Variants in PCDHGC4 observed in about 807,000 individuals in gnomAD.
PCDHGC4 encodes protocadherin gamma-C4.
In PCDHGC4, 15 loss-of-function variants were observed where a neutral mutation model predicts 59.7. The observed-to-expected ratio is 0.25, with a 90% CI of 0.17 to 0.39. The LOEUF is 0.39. Among genes scored for constraint, PCDHGC4 ranks in the 10% least tolerant of loss-of-function variants. The pLI, the probability that PCDHGC4 is intolerant of heterozygous loss-of-function variation, is 1.00. For synonymous variants in PCDHGC4, 434 were observed against 481.4 expected (o/e 0.90, Z 1.29); for missense variants, 1,016 against 1,189.5 (o/e 0.85, Z 2.15).
rs1033888717 is a variant in PCDHGC4 at position 141,512,540 on chromosome 5, T to C, written c.*1367T>C. 6.5e-6 allele frequency: 1 copy of C among 152,886 alleles called. No homozygotes were observed. Among genetic ancestry groups the C allele is most frequent in the African/African-American group, 2.4e-5 (1 of 41,476 alleles). 9.5% of individuals were successfully genotyped at this position (152,886 alleles called of 1,614,324 possible). ...CCATAGCCTGGTTAAAGTTCCCCAGTGCCTCCTTGTGCATAGACCTTCTTC... is the reference window on the plus strand; with the variant it reads ...CCATAGCCTGGTTAAAGTTCCCCAGCGCCTCCTTGTGCATAGACCTTCTTC... On this transcript the variant is annotated 3_prime_UTR_variant, in exon 4 of 4. Transcript: ENST00000306593.
Position 141,489,830 on chromosome 5 carries a change from A to C in PCDHGC4, c.2442+2215A>C. On this transcript the variant is annotated intron_variant, in intron 1 of 3. Transcript: ENST00000306593. The surrounding 1 kb of genome is among the most constrained non-coding windows in gnomAD (Gnocchi z 4.5). ...AAGCCATTCCCAGAGCTGGTGCTAG[A>C]GCAGCAGCTGGATCGTGAAGCCCAG... 1 of 1,614,200 alleles carries C rather than the reference A, an allele frequency of 6.2e-7. No homozygotes were observed. Among genetic ancestry groups the C allele is most frequent in the Non-Finnish European group, 8.5e-7 (1 of 1,180,010 alleles).
chr5:141,498,254 G>A (rs550611179), intron 2 of PCDHGC4, among the ~76,000 whole-genome samples: 2 of 152,338 alleles, frequency 1.3e-5, no homozygotes, highest in East Asian at 3.9e-4. Context: ...AGCAGGGCTG[G>A]TGTTGAGTTC....
chr5:141,498,045 A>G (rs1368474174), intron 2 of PCDHGC4, among the ~76,000 whole-genome samples: 4 of 152,256 alleles, frequency 2.6e-5, no homozygotes, highest in Non-Finnish European at 4.4e-5. Flanking sequence ...AATTACAAAA[A>G]TAAATGTGAG....
At chr5:141,488,198 G>C (rs1007623840) in intron 1 of PCDHGC4, among the ~76,000 whole-genome samples, 1 of 152,166 alleles carries the variant, frequency 6.6e-6, no homozygotes, top group Non-Finnish European at 1.5e-5. Flanking sequence ...CTGGGTCTTA[G>C]GACTCATATC....
At chr5:141,499,648 CAT>C (rs1434824310) in intron 2 of PCDHGC4, among the ~76,000 whole-genome samples, 2 of 148,784 alleles carry the variant, frequency 1.3e-5, no homozygotes, top group Admixed American at 6.7e-5. Flanking sequence ...TCTCAGACAT[CAT>C]ATAATTTCAT....
In PCDHGC4 at chr5:141,491,632, C is replaced by T; in HGVS notation, c.2443-3175C>T. On this transcript the variant is annotated intron_variant, in intron 1 of 3. Transcript: ENST00000306593. This position sits in a 1 kb window ranked among gnomAD's most constrained non-coding sequence, Gnocchi z 6.9. ...TCTAAGACCCCTCAGCGTTCAGCAG[C>T]CCACAGCTCTGGCGCTGGAGCCTGA... 1.2e-6 allele frequency: 2 copies of T among 1,613,886 alleles called. No individual in the cohort carries two copies. The highest frequency in any genetic ancestry group is 1.7e-6 in the Non-Finnish European group (2 of 1,179,994).
At chr5:141,505,345 G>C (rs776607130) in intron 2 of PCDHGC4, 48 bp from the exon 3 acceptor site, 3 of 1,613,086 alleles carry the variant, frequency 1.9e-6, no homozygotes, top group Non-Finnish European at 2.5e-6. Flanking sequence ...AGGGGCATGA[G>C]CTGTGCCGGC....
At chr5:141,510,296 G>A (rs999749575) in intron 3 of PCDHGC4, among the ~76,000 whole-genome samples, 6 of 149,608 alleles carry the variant, frequency 4.0e-5, no homozygotes, top group African/African-American at 1.5e-4. Flanking sequence ...AAAAAATGCT[G>A]TTTTGAAATG....
At chr5:141,488,525 G>A (rs1040463796) in intron 1 of PCDHGC4, among the ~76,000 whole-genome samples, 1 of 152,182 alleles carries the variant, frequency 6.6e-6, no homozygotes, top group African/African-American at 2.4e-5. Flanking sequence ...TGGGGTGTCA[G>A]AAAAGCTAAG....
intron 2 of PCDHGC4, among the ~76,000 whole-genome samples, chr5:141,502,625 T>G (rs2099815384): frequency 6.6e-6 from 1 of 152,210 alleles, no homozygotes; most frequent in Admixed American, 6.5e-5. Context: ...ATAAGTAATC[T>G]GTGGATGATA....
In PCDHGC4 at chr5:141,512,237, G is replaced by A. The variant is rs2099884134; in HGVS notation, c.*1064G>A. ...AGGACCAGGTCCCCTTGAGAGGTCA[G>A]AGGGGCCTCTGTGGGTGCTGGGTAC... On this transcript the variant is annotated 3_prime_UTR_variant, in exon 4 of 4. Transcript: ENST00000306593. 1 of 152,774 alleles carries A rather than the reference G, an allele frequency of 6.5e-6. No homozygotes were observed. The highest frequency in any genetic ancestry group is 1.5e-5 in the Non-Finnish European group (1 of 68,148). The allele number at this position is 152,774 out of a possible 1,614,324, so 9.5% of individuals were successfully genotyped here.
chr5:141,491,529 G>C lies in PCDHGC4; in HGVS notation c.2443-3278G>C. 1 of 1,614,040 alleles carries C rather than the reference G, an allele frequency of 6.2e-7. No individual in the cohort carries two copies. The highest frequency in any genetic ancestry group is 1.1e-5 in the South Asian group (1 of 91,080). On this transcript the variant is annotated intron_variant, in intron 1 of 3. Coordinates refer to ENST00000306593, the MANE Select transcript of PCDHGC4 (RefSeq NM_018928.3). The surrounding 1 kb of genome is among the most constrained non-coding windows in gnomAD (Gnocchi z 6.9). ...GCACGCTCAAGTACATGGAGGTGACGCTGCGGCCCACAGACTCGCAGAGCC... is the reference window on the plus strand; with the variant it reads ...GCACGCTCAAGTACATGGAGGTGACCCTGCGGCCCACAGACTCGCAGAGCC...
Position 141,489,515 on chromosome 5 carries a change from G to C in PCDHGC4, c.2442+1900G>C, listed in dbSNP as rs983415025. On this transcript the variant is annotated intron_variant, in intron 1 of 3. Coordinates refer to ENST00000306593, the MANE Select transcript of PCDHGC4 (RefSeq NM_018928.3). The surrounding 1 kb of genome is among the most constrained non-coding windows in gnomAD (Gnocchi z 4.5). ...CTGGCAGTGAATCAAAAGATTGACC[G>C]AGAAAGCCTATGTGGAGCCAGCACC... 1 of 1,614,104 alleles carries C rather than the reference G, an allele frequency of 6.2e-7. No individual in the cohort carries two copies. The highest frequency in any genetic ancestry group is 8.5e-7 in the Non-Finnish European group (1 of 1,180,034).
At chr5:141,498,947 AAAAG>A (rs1475471777) in intron 2 of PCDHGC4, among the ~76,000 whole-genome samples, 1 of 145,446 alleles carries the variant, frequency 6.9e-6, no homozygotes, top group African/African-American at 2.6e-5. Context: ...GAAAGAAAGA[AAAAG>A]AGAGAGAGGG....
chr5:141,489,268 G>C lies in PCDHGC4; in HGVS notation c.2442+1653G>C. 6.4e-7 allele frequency: 1 copy of C among 1,553,286 alleles called. No individual in the cohort carries two copies. The highest frequency in any genetic ancestry group is 8.7e-7 in the Non-Finnish European group (1 of 1,149,780). ...GGGGCCCAAGACACTCCCACAGCTC[G>C]CTGGGAAATGGCAAGTGCTGTGCAT... On this transcript the variant is annotated intron_variant, in intron 1 of 3. Transcript: ENST00000306593. The surrounding 1 kb of genome is among the most constrained non-coding windows in gnomAD (Gnocchi z 4.5).
chr5:141,487,348 C>T lies in PCDHGC4; in HGVS notation c.2175C>T (p.Cys725=), dbSNP rs929693998. The part of the protein sequence containing the change: ...CLRGAACGVT[C]FPAGTCACLT... ...GTGGGGCAGCCTGTGGAGTCACATG[C>T]TTTCCTGCTGGCACCTGTGCCTGTC... The change falls in exon 1 of 4, where the codon TGC becomes TGT. Residue 725 remains cysteine (C), a synonymous_variant. Coordinates refer to ENST00000306593, the MANE Select transcript of PCDHGC4 (RefSeq NM_018928.3). The surrounding 1 kb of genome is among the most constrained non-coding windows in gnomAD (Gnocchi z 5.0). The T allele has an allele frequency of 2.5e-6, 4 of 1,614,080 alleles. No homozygotes were observed. The highest frequency in any genetic ancestry group is 2.2e-5 in the East Asian group (1 of 44,882).
At position 141,485,675 on chromosome 5, in the gene PCDHGC4, A is replaced by C. The variant is rs1562106929; in HGVS notation, c.502A>C (p.Ser168Arg). 6.2e-7 allele frequency: 1 copy of C among 1,613,068 alleles called. No homozygotes were observed. The highest frequency in any genetic ancestry group is 8.5e-7 in the Non-Finnish European group (1 of 1,179,150). Residue 168 changes from serine to arginine, a missense_variant, in exon 1 of 4, where the codon AGC (serine) becomes CGC (arginine). Ser to Arg is a moderately radical substitution (Grantham distance 110, BLOSUM62 -1). Coordinates refer to ENST00000306593, the MANE Select transcript of PCDHGC4 (RefSeq NM_018928.3). The surrounding 1 kb of genome is among the most constrained non-coding windows in gnomAD (Gnocchi z 5.7). ...QDADVGSNSI[S>R]SYRLSSNEHF... ...TGCAGATGTGGGGAGCAATTCGATT[A>C]GCAGCTATAGGCTGAGCTCCAATGA...
chr5:141,489,091 T>C lies in PCDHGC4; in HGVS notation c.2442+1476T>C. 1 of 333,052 alleles carries C rather than the reference T, an allele frequency of 3.0e-6. No individual in the cohort carries two copies. The highest frequency in any genetic ancestry group is 5.5e-6 in the Non-Finnish European group (1 of 181,380). 20.6% of individuals were successfully genotyped at this position (333,052 alleles called of 1,614,324 possible). On this transcript the variant is annotated intron_variant, in intron 1 of 3. Coordinates refer to ENST00000306593, the MANE Select transcript of PCDHGC4 (RefSeq NM_018928.3). This position sits in a 1 kb window ranked among gnomAD's most constrained non-coding sequence, Gnocchi z 4.5. ...CTGCCCACCCCCGCCACTCGGTGAC[T>C]AAGAACTGCTGCAAGCAGGCAAACC...
intron 2 of PCDHGC4, among the ~76,000 whole-genome samples, chr5:141,497,894 A>AG (rs1562181617): frequency 2.0e-5 from 3 of 152,186 alleles, no homozygotes; most frequent in Admixed American, 6.5e-5. Context: ...GATCTAGTCC[A>AG]GTAACTTCAA....
Sources: gnomAD v4.1 joint callset for allele counts (sites outside exome capture counted in the v4.1 genomes callset) on GRCh38, gnomAD v4.1.1 for gene constraint, Gnocchi (gnomAD v3.1) non-coding constraint, MANE v1.5 for transcripts, NCBI Gene and HGNC (gene_info 2026-07-23, HGNC 2026-07-21) for gene names.